KCNH5: variants seen among roughly 807,000 people sequenced by gnomAD.
KCNH5 encodes potassium voltage-gated channel subfamily H member 5.
KCNH5 carries 46 observed loss-of-function variants against 96.1 expected under a neutral mutation model. The observed-to-expected ratio is 0.48, with a 90% CI of 0.38 to 0.61. The LOEUF (loss-of-function observed/expected upper bound fraction) is 0.61, where lower values mean the gene tolerates loss of function less well. Ranked by LOEUF, KCNH5 falls within the 20% of genes least tolerant of loss-of-function variation. KCNH5 has a pLI of 0.00. For synonymous variants in KCNH5, 439 were observed against 449.8 expected (o/e 0.98, Z 0.30); for missense variants, 907 against 1,225.8 (o/e 0.74, Z 3.88).
intron 10 of KCNH5, among the ~76,000 whole-genome samples, chr14:62,723,408 A>G (rs764395215): frequency 6.6e-5 from 10 of 152,234 alleles, no homozygotes; most frequent in Non-Finnish European, 1.3e-4. Context: ...TAGATGATAC[A>G]TTACAATTTC....
rs112819338 is a variant in KCNH5, at chr14:62,720,602, T to G, written c.2020-12147A>C. Among the ~76,000 whole-genome samples the G allele has an allele frequency of 1.6e-3, 238 of 152,116 alleles. 1 individual carries two copies. The highest frequency in any genetic ancestry group is 5.4e-3 in the African/African-American group (224 of 41,500). ...TGTCTCAAAAAAGAAAAAAAGAGAC[T>G]TTTTGAGTAGTTCAGGTGAGATATT... is the stretch of plus-strand genomic sequence containing the variant. On this transcript the variant is annotated intron_variant, in intron 10 of 10. Transcript: ENST00000322893.
intron 1 of KCNH5, among the ~76,000 whole-genome samples, chr14:63,028,532 A>G (rs375655840): frequency 3.9e-5 from 6 of 152,256 alleles, no homozygotes; most frequent in East Asian, 3.9e-4. Flanking sequence ...ACTAGAACAC[A>G]TGTTCCTTAA....
chr14:62,835,173 G>T (rs965778597), intron 8 of KCNH5, among the ~76,000 whole-genome samples: 1 of 151,874 alleles, frequency 6.6e-6, no homozygotes, highest in Non-Finnish European at 1.5e-5. Context: ...CAGTAACAAC[G>T]ACATTCCAGG....
At chr14:63,005,639 T>C (rs962284518) in intron 3 of KCNH5, among the ~76,000 whole-genome samples, 1 of 152,186 alleles carries the variant, frequency 6.6e-6, no homozygotes, top group Non-Finnish European at 1.5e-5. Context: ...AAAAGATAAA[T>C]GTAAGTAACC....
intron 2 of KCNH5, among the ~76,000 whole-genome samples, chr14:63,015,056 C>T (rs1448814213): frequency 6.6e-6 from 1 of 152,066 alleles, no homozygotes; most frequent in Non-Finnish European, 1.5e-5. Context: ...ATTTTCATCA[C>T]TCCCATTTAC....
rs1566706619 is a variant in KCNH5 at position 62,915,933 on chromosome 14, CTTTTTTTCTT to C, written c.1369+34190_1369+34199del. Among the ~76,000 whole-genome samples, 7 of 149,566 alleles carry C rather than the reference CTTTTTTTCTT, an allele frequency of 4.7e-5. 1 individual carries two copies. Among genetic ancestry groups the C allele is most frequent in the African/African-American group, 1.5e-4 (6 of 40,720 alleles). On this transcript the variant is annotated intron_variant, in intron 7 of 10. Transcript: ENST00000322893. The stretch of plus-strand genomic sequence containing the variant: ...ATAGTAAGTGGCTTAGCCAGGGTTT[CTTTTTTTCTT>C]TTTTTTTCTTTTTTTTCTTTTTTTT...
At chr14:62,738,399 G>A (rs562721233) in intron 10 of KCNH5, among the ~76,000 whole-genome samples, 30 of 152,274 alleles carry the variant, frequency 2.0e-4, no homozygotes, top group Non-Finnish European at 3.7e-4. Context: ...GAGGACAACC[G>A]AATTCGAAAG....
Position 62,700,953 on chromosome 14 carries a change from T to A in KCNH5, c.*6555A>T, listed in dbSNP as rs1884338591. ...TGGTTACATTTTATATTATGAAATA[T>A]GATTTAGCAGAGAATGGGGATAAAA... On this transcript the variant is annotated 3_prime_UTR_variant, in exon 11 of 11. Transcript: ENST00000322893. 6.6e-6 allele frequency: 1 copy of A among 152,218 alleles called. No homozygotes were observed. Among genetic ancestry groups the A allele is most frequent in the African/African-American group, 2.4e-5 (1 of 41,472 alleles). 9.4% of individuals were successfully genotyped at this position (152,218 alleles called of 1,614,324 possible). A position where few individuals can be genotyped will look rare whatever the true frequency, so the allele number is the denominator to read the frequency against.
intron 7 of KCNH5, among the ~76,000 whole-genome samples, chr14:62,869,055 A>G (rs1273320193): frequency 6.6e-6 from 1 of 152,210 alleles, no homozygotes; most frequent in Non-Finnish European, 1.5e-5. Context: ...TGTACCCAGT[A>G]ATGGGATTGC....
rs752192065 is a variant in KCNH5, at chr14:62,708,360, T to A, written c.2115A>T (p.Pro705=). The A allele has an allele frequency of 1.2e-6, 2 of 1,614,060 alleles. No individual in the cohort carries two copies. The highest frequency in any genetic ancestry group is 2.2e-5 in the South Asian group (2 of 91,080). Residue 705 remains proline (P), a synonymous_variant, in exon 11 of 11, where the codon CCA becomes CCT. Coordinates refer to ENST00000322893, the MANE Select transcript of KCNH5 (RefSeq NM_139318.5). ...TGAACTTCTGGAAGAGCTTTCTGACTGGGTGGTCCACGGGAATGCTGAGGG... is the reference window on the plus strand; with the variant it reads ...TGAACTTCTGGAAGAGCTTTCTGACAGGGTGGTCCACGGGAATGCTGAGGG... ...EVTLSIPVDH[P]VRKLFQKFKQ... is the part of the protein sequence containing the mutation.
intron 10 of KCNH5, among the ~76,000 whole-genome samples, chr14:62,721,141 T>C (rs1884805412): frequency 6.6e-6 from 1 of 152,200 alleles, no homozygotes; most frequent in Non-Finnish European, 1.5e-5. Context: ...CCTGATTCTA[T>C]GTTCTTGGAG....
At chr14:62,991,892 G>A (rs993868341) in intron 4 of KCNH5, among the ~76,000 whole-genome samples, 3 of 151,958 alleles carry the variant, frequency 2.0e-5, no homozygotes, top group African/African-American at 4.8e-5. Context: ...TGTATCAATT[G>A]TATAATGGTC....
chr14:62,935,172 T>C (rs963697691), intron 7 of KCNH5, among the ~76,000 whole-genome samples: 7 of 152,218 alleles, frequency 4.6e-5, no homozygotes, highest in Admixed American at 2.0e-4. Flanking sequence ...TTTCACTGTA[T>C]GAAAATTTAA....
intron 8 of KCNH5, among the ~76,000 whole-genome samples, chr14:62,822,593 A>C (rs1887137102): frequency 6.6e-6 from 1 of 152,046 alleles, no homozygotes; most frequent in African/African-American, 2.4e-5. Context: ...AAAAAAGCTT[A>C]ACCTCAACCT....
intron 1 of KCNH5, among the ~76,000 whole-genome samples, chr14:63,021,374 A>C (rs1345414946): frequency 5.4e-4 from 82 of 152,144 alleles, no homozygotes; most frequent in Non-Finnish European, 2.9e-5. Context: ...ATTGTTCCTA[A>C]AGTCTATACT....
At chr14:62,946,392 A>G (rs774971308) in intron 7 of KCNH5, among the ~76,000 whole-genome samples, 5 of 152,176 alleles carry the variant, frequency 3.3e-5, no homozygotes, top group Non-Finnish European at 7.4e-5. Context: ...AAAATTGAAC[A>G]TACACTTATC....
At chr14:62,965,837 T>A (rs1373519203) in intron 6 of KCNH5, among the ~76,000 whole-genome samples, 1 of 152,198 alleles carries the variant, frequency 6.6e-6, no homozygotes, top group Non-Finnish European at 1.5e-5. Flanking sequence ...ATAGGTAAGA[T>A]GTCATTAAAT....
chr14:62,849,441 A>T (rs560345931), intron 8 of KCNH5, among the ~76,000 whole-genome samples: 2 of 152,330 alleles, frequency 1.3e-5, no homozygotes, highest in African/African-American at 4.8e-5. Flanking sequence ...TCTAAATTGA[A>T]TGTGATGACT....
chr14:62,784,439 C>G, intron 9 of KCNH5, among the ~76,000 whole-genome samples: 1 of 152,206 alleles, frequency 6.6e-6, no homozygotes, highest in Middle Eastern at 3.4e-3. Context: ...GAATACAAGA[C>G]TAAAAGAAAA....
Sources: gnomAD v4.1 joint callset for allele counts (sites outside exome capture counted in the v4.1 genomes callset) on GRCh38, gnomAD v4.1.1 for gene constraint, MANE v1.5 for transcripts, NCBI Gene and HGNC (gene_info 2026-07-23, HGNC 2026-07-21) for gene names.